SASH1: variants seen among roughly 807,000 people sequenced by gnomAD.
The protein encoded by SASH1 is SAM and SH3 domain-containing protein 1.
A neutral mutation model predicts 125.2 loss-of-function variants in SASH1; 44 were observed. That is an observed-to-expected ratio of 0.35 (90% CI 0.28 to 0.45). SASH1 has a LOEUF of 0.45. Ranked by LOEUF, SASH1 falls within the 20% of genes least tolerant of loss-of-function variation. The pLI is 1.00. For synonymous variants in SASH1, 639 were observed against 649.1 expected, an observed-to-expected ratio of 0.98 and a Z score of 0.24; for missense variants, 1,426 against 1,614.5, an observed-to-expected ratio of 0.88 and a Z score of 2.00.
chr6:148,363,941 G>A (rs183077719), intron 1 of SASH1, among the ~76,000 whole-genome samples: 4 of 152,154 alleles, frequency 2.6e-5, no homozygotes, highest in African/African-American at 9.6e-5. Context: ...AAACTCTAAT[G>A]GGACATACAT....
chr6:148,431,332 G>A (rs1399520081), intron 2 of SASH1, among the ~76,000 whole-genome samples: 1 of 152,066 alleles, frequency 6.6e-6, no homozygotes, highest in East Asian at 1.9e-4. Context: ...CCTAGTGGCT[G>A]GGACTACAGA....
rs1459969120 is a variant in SASH1, at chr6:148,532,045, C to A, written c.1564+384C>A. On this transcript the variant is annotated intron_variant, in intron 13 of 19. Transcript: ENST00000367467. The surrounding 1 kb of genome is among the most constrained non-coding windows in gnomAD (Gnocchi z 4.7). ...TCGGGCCAATGGTAGTTGGAGTTGG[C>A]TGAATGGTATGAAGGAAAAGATCAA... Among the ~76,000 whole-genome samples, 1 of 152,066 alleles carries A rather than the reference C, an allele frequency of 6.6e-6. No individual in the cohort carries two copies. Among genetic ancestry groups the A allele is most frequent in the Non-Finnish European group, 1.5e-5 (1 of 68,008 alleles).
chr6:148,527,379 G>A, intron 11 of SASH1, 74 bp from the exon 12 acceptor site: 1 of 1,349,790 alleles, frequency 7.4e-7, no homozygotes, highest in East Asian at 2.5e-5. Context: ...GAGCTAGGAT[G>A]TTAATGGTTT....
chr6:148,231,677 A>G, the SASH1 span, among the ~76,000 whole-genome samples: 8 of 152,174 alleles, frequency 5.3e-5, no homozygotes, highest in African/African-American at 1.2e-4. Context: ...TTATTGCCCC[A>G]GATAGTTAAA....
chr6:148,445,775 C>CCTGT (rs1240969462), intron 4 of SASH1, among the ~76,000 whole-genome samples: 1 of 152,150 alleles, frequency 6.6e-6, no homozygotes, highest in Non-Finnish European at 1.5e-5. Context: ...TCCTAGAAAC[C>CCTGT]CTGTCCACCA....
At chr6:148,262,323 A>T in the SASH1 span, among the ~76,000 whole-genome samples, 1 of 152,126 alleles carries the variant, frequency 6.6e-6, no homozygotes, top group Non-Finnish European at 1.5e-5. Context: ...TGTCTCCCTC[A>T]TGCAGAGGAG....
chr6:148,229,098 C>G, the SASH1 span, among the ~76,000 whole-genome samples: 1 of 134,746 alleles, frequency 7.4e-6, no homozygotes, highest in South Asian at 2.5e-4. Flanking sequence ...CGCACTACTG[C>G]ACTCCAGCCT....
intron 5 of SASH1, among the ~76,000 whole-genome samples, chr6:148,470,448 C>A (rs1415301576): frequency 6.6e-6 from 1 of 152,212 alleles, no homozygotes; most frequent in African/African-American, 2.4e-5. Flanking sequence ...CAAGTGGTGA[C>A]AGAGCTGCTA....
chr6:148,217,218 C>T, the SASH1 span, among the ~76,000 whole-genome samples: 2 of 152,210 alleles, frequency 1.3e-5, no homozygotes, highest in African/African-American at 2.4e-5. Context: ...GCAACCTAGA[C>T]AGACTCGAGC....
At chr6:148,447,600 T>C (rs1029383774) in intron 4 of SASH1, among the ~76,000 whole-genome samples, 6 of 152,112 alleles carry the variant, frequency 3.9e-5, no homozygotes, top group African/African-American at 1.4e-4. Context: ...ACCACTGATC[T>C]GATCTTGTCG....
intron 1 of SASH1, among the ~76,000 whole-genome samples, chr6:148,300,228 A>C (rs1435405763): frequency 6.6e-6 from 1 of 152,116 alleles, no homozygotes; most frequent in Non-Finnish European, 1.5e-5. Context: ...ATTTTATGCT[A>C]ATACTCATTT....
At chr6:148,329,265 A>G (rs940925164) in intron 1 of SASH1, among the ~76,000 whole-genome samples, 2 of 152,242 alleles carry the variant, frequency 1.3e-5, no homozygotes, top group Non-Finnish European at 2.9e-5. Flanking sequence ...TCCCTTTAAA[A>G]AAGAATTGTG....
chr6:148,211,341 C>G, the SASH1 span, among the ~76,000 whole-genome samples: 1 of 152,078 alleles, frequency 6.6e-6, no homozygotes, highest in Non-Finnish European at 1.5e-5. Flanking sequence ...GAGGCCAAGG[C>G]GAGGGGATCA....
At chr6:148,332,475 C>A (rs1057274930) in intron 1 of SASH1, among the ~76,000 whole-genome samples, 2 of 151,984 alleles carry the variant, frequency 1.3e-5, no homozygotes, top group African/African-American at 4.8e-5. Flanking sequence ...TAACAAATAA[C>A]AAGTATTTAA....
At chr6:148,511,883 C>T (rs1329364959) in intron 8 of SASH1, among the ~76,000 whole-genome samples, 4 of 152,146 alleles carry the variant, frequency 2.6e-5, no homozygotes. Flanking sequence ...ACCCACACCA[C>T]CACCACCAAC....
chr6:148,527,740 G>GAAAC, intron 12 of SASH1, 144 bp downstream of exon 12: 1 of 789,464 alleles, frequency 1.3e-6, no homozygotes, highest in Non-Finnish European at 2.0e-6. Flanking sequence ...TTTACGTAGA[G>GAAAC]AAACACTGAA....
chr6:148,204,186 C>T, the SASH1 span, among the ~76,000 whole-genome samples: 437 of 152,254 alleles, frequency 2.9e-3, 1 homozygote, highest in Middle Eastern at 0.031. Context: ...TGTAGGGTAA[C>T]GCTTTCTACA....
At chr6:148,208,388 A>G in the SASH1 span, among the ~76,000 whole-genome samples, 1 of 152,180 alleles carries the variant, frequency 6.6e-6, no homozygotes, top group East Asian at 1.9e-4. Context: ...GAAGTCAGAA[A>G]CTACAGCAGC....
chr6:148,230,788 T>G, the SASH1 span, among the ~76,000 whole-genome samples: 1 of 152,234 alleles, frequency 6.6e-6, no homozygotes, highest in Non-Finnish European at 1.5e-5. Context: ...TTGAAAAAAA[T>G]GTCTATTTGG....
Sources: gnomAD v4.1 joint callset for allele counts (sites outside exome capture counted in the v4.1 genomes callset) on GRCh38, gnomAD v4.1.1 for gene constraint, Gnocchi (gnomAD v3.1) non-coding constraint, MANE v1.5 for transcripts, NCBI Gene and HGNC (gene_info 2026-07-23, HGNC 2026-07-21) for gene names.